The following EPHA5 variants were observed in gnomAD, a reference collection of about 807,000 sequenced individuals.
The protein encoded by EPHA5 is ephrin type-A receptor 5.
In EPHA5, 60 loss-of-function variants were observed where a neutral mutation model predicts 105.0. The ratio of observed to expected loss-of-function variants is 0.57; its 90% confidence interval spans 0.46 to 0.71. The LOEUF (loss-of-function observed/expected upper bound fraction) is 0.71. EPHA5 is among the 30% of genes least tolerant of loss of function. The pLI is 0.00. For synonymous variants in EPHA5, 513 were observed against 449.1 expected (o/e 1.14, Z -1.80); for missense variants, 1,218 against 1,274.7 (o/e 0.96, Z 0.68).
chr4:65,485,533 C>T (rs895510134), intron 5 of EPHA5, among the ~76,000 whole-genome samples: 5 of 152,092 alleles, frequency 3.3e-5, no homozygotes, highest in Non-Finnish European at 1.5e-5. Context: ...CAGATAGCTT[C>T]CCCTAAAAGC....
chr4:65,601,380 G>A (rs968382130), intron 3 of EPHA5, among the ~76,000 whole-genome samples: 3 of 152,054 alleles, frequency 2.0e-5, no homozygotes, highest in Non-Finnish European at 4.4e-5. Flanking sequence ...ATTTCTAAAA[G>A]CAAAGTGAAT....
At chr4:65,521,523 TA>T (rs963560685) in intron 3 of EPHA5, among the ~76,000 whole-genome samples, 1 of 151,806 alleles carries the variant, frequency 6.6e-6, no homozygotes, top group Non-Finnish European at 1.5e-5. Flanking sequence ...TAAGGTATAA[TA>T]AAAAAAAGCA....
intron 3 of EPHA5, among the ~76,000 whole-genome samples, chr4:65,500,822 CGT>C (rs1491244860): frequency 5.3e-4 from 38 of 71,632 alleles, no homozygotes; most frequent in Admixed American, 1.4e-3. Flanking sequence ...TATATGTGTG[CGT>C]ATATATATAT....
At chr4:65,567,643 T>C (rs1739691344) in intron 3 of EPHA5, among the ~76,000 whole-genome samples, 1 of 151,544 alleles carries the variant, frequency 6.6e-6, no homozygotes, top group African/African-American at 2.4e-5. Context: ...TTTCAACACA[T>C]ATCTAAGTGC....
intron 3 of EPHA5, among the ~76,000 whole-genome samples, chr4:65,564,125 A>G (rs1560702545): frequency 6.6e-6 from 1 of 151,960 alleles, no homozygotes; most frequent in South Asian, 2.1e-4. Flanking sequence ...TTACTTGTGC[A>G]TACATATTTC....
At chr4:65,421,056 A>G (rs1038151631) in intron 5 of EPHA5, among the ~76,000 whole-genome samples, 1 of 152,066 alleles carries the variant, frequency 6.6e-6, no homozygotes, top group Non-Finnish European at 1.5e-5. Flanking sequence ...GTTCCTTAAG[A>G]AACATGCCAC....
chr4:65,450,579 A>G (rs1367068914), intron 5 of EPHA5, among the ~76,000 whole-genome samples: 1 of 152,218 alleles, frequency 6.6e-6, no homozygotes, highest in Admixed American at 6.5e-5. Flanking sequence ...ATATGTGACA[A>G]TGTGAAATAC....
At chr4:65,464,914 G>C (rs1429345570) in intron 5 of EPHA5, among the ~76,000 whole-genome samples, 1 of 151,832 alleles carries the variant, frequency 6.6e-6, no homozygotes, top group Non-Finnish European at 1.5e-5. Flanking sequence ...TGTTAAAACA[G>C]TACTAATCAC....
chr4:65,364,385 T>A (rs147538119), intron 11 of EPHA5, among the ~76,000 whole-genome samples: 57 of 151,746 alleles, frequency 3.8e-4, no homozygotes, highest in African/African-American at 1.3e-3. Flanking sequence ...TGATTTAAAA[T>A]CCTTGTATTG....
Position 65,323,238 on chromosome 4 carries a change from G to A in EPHA5, c.*876C>T, listed in dbSNP as rs1477466204. 4.4e-6 allele frequency: 1 copy of A among 229,048 alleles called. No individual in the cohort carries two copies. The highest frequency in any genetic ancestry group is 8.7e-6 in the Non-Finnish European group (1 of 115,430). 14.2% of individuals were successfully genotyped at this position (229,048 alleles called of 1,614,324 possible). On this transcript the variant is annotated 3_prime_UTR_variant, in exon 17 of 17. Transcript: ENST00000613740. ...CTTTTGGACACATGAGAGGAAAAGA[G>A]ACACAAGCTTGTGTTAAATTTTGTT...
chr4:65,587,585 C>G (rs1448304588), intron 3 of EPHA5, among the ~76,000 whole-genome samples: 2 of 152,024 alleles, frequency 1.3e-5, no homozygotes, highest in African/African-American at 2.4e-5. Context: ...AAAGGTGCCC[C>G]GACCCCCATC....
At chr4:65,596,681 A>AGCAC (rs112783438) in intron 3 of EPHA5, among the ~76,000 whole-genome samples, 287 of 150,588 alleles carry the variant, frequency 1.9e-3, no homozygotes, top group African/African-American at 6.6e-3. Context: ...ACAAAAGCAG[A>AGCAC]ACACACACAC....
intron 3 of EPHA5, among the ~76,000 whole-genome samples, chr4:65,551,757 C>T (rs1236942755): frequency 6.6e-6 from 1 of 152,116 alleles, no homozygotes; most frequent in Non-Finnish European, 1.5e-5. Flanking sequence ...TCATGTGTTA[C>T]ACCACTCAGT....
intron 5 of EPHA5, among the ~76,000 whole-genome samples, chr4:65,486,126 A>C (rs1028977475): frequency 6.6e-6 from 1 of 152,114 alleles, no homozygotes; most frequent in East Asian, 1.9e-4. Flanking sequence ...GGGAGACTTT[A>C]TTTTTATAAT....
chr4:65,423,130 GT>G (rs1724092853), intron 5 of EPHA5, among the ~76,000 whole-genome samples: 1 of 151,950 alleles, frequency 6.6e-6, no homozygotes, highest in Non-Finnish European at 1.5e-5. Flanking sequence ...CACTGGTTGG[GT>G]ATTTTGTAAG....
chr4:65,514,662 C>T (rs892681953), intron 3 of EPHA5, among the ~76,000 whole-genome samples: 1 of 152,166 alleles, frequency 6.6e-6, no homozygotes, highest in Non-Finnish European at 1.5e-5. Flanking sequence ...TTTTCATCAA[C>T]TGCATTTTTA....
rs533924053 is a variant in EPHA5 at position 65,620,526 on chromosome 4, C to G, written c.247-18222G>C. Among the ~76,000 whole-genome samples the G allele has an allele frequency of 3.0e-4, 45 of 152,232 alleles. 1 individual carries two copies. The South Asian group carries it at 5.6e-3, about 19-fold the overall frequency. ...AGGGGGAAATATACATATACATATT[C>G]ACATTTTCAGCAAAATAATTGAGTC... is the stretch of plus-strand genomic sequence containing the variant. On this transcript the variant is annotated intron_variant, in intron 2 of 16. Transcript: ENST00000613740.
At chr4:65,423,922 T>C (rs144572563) in intron 5 of EPHA5, among the ~76,000 whole-genome samples, 72 of 152,136 alleles carry the variant, frequency 4.7e-4, no homozygotes, top group African/African-American at 1.7e-3. Flanking sequence ...AACTTGTGTA[T>C]ATCTATACAT....
At chr4:65,484,870 T>A (rs1053631844) in intron 5 of EPHA5, among the ~76,000 whole-genome samples, 10 of 152,056 alleles carry the variant, frequency 6.6e-5, no homozygotes, top group African/African-American at 2.4e-4. Context: ...ATTTCAAAAT[T>A]TTACACTATG....
Sources: allele counts gnomAD v4.1 joint callset (sites outside exome capture counted in the v4.1 genomes callset), GRCh38; gene constraint gnomAD v4.1.1; transcripts MANE v1.5; gene names NCBI Gene and HGNC (gene_info 2026-07-23, HGNC 2026-07-21).